The following CIRSR variants were observed in gnomAD, a reference collection of about 807,000 sequenced individuals.
The protein encoded by CIRSR is CBF1 (RBPJ) interacting corepressor 1.
At chr2:174,388,174 A>G in the CIRSR span, among the ~76,000 whole-genome samples, 37 of 152,252 alleles carry the variant, frequency 2.4e-4, no homozygotes, top group Middle Eastern at 3.4e-3. Flanking sequence ...ACAAATTAAC[A>G]CCTGAAAAAT....
chr2:174,376,137 A>C, the CIRSR span, among the ~76,000 whole-genome samples: 1 of 152,230 alleles, frequency 6.6e-6, no homozygotes, highest in African/African-American at 2.4e-5. Flanking sequence ...CTGGGATTAC[A>C]GGCAAGAGCC....
At chr2:174,371,553 C>T in the CIRSR span, among the ~76,000 whole-genome samples, 9 of 152,252 alleles carry the variant, frequency 5.9e-5, no homozygotes, top group East Asian at 1.5e-3. Context: ...TGGATGAAAA[C>T]TTATAAAGTT....
the CIRSR span, among the ~76,000 whole-genome samples, chr2:174,359,948 A>G: frequency 6.6e-6 from 1 of 152,198 alleles, no homozygotes; most frequent in Non-Finnish European, 1.5e-5. Context: ...TTCTGGGCAA[A>G]CTATCGCAAG....
At chr2:174,386,669 T>C in the CIRSR span, among the ~76,000 whole-genome samples, 1 of 152,272 alleles carries the variant, frequency 6.6e-6, no homozygotes, top group East Asian at 1.9e-4. Context: ...CCACGTTCCC[T>C]GGGCAGGGTG....
At chr2:174,377,721 G>T in the CIRSR span, among the ~76,000 whole-genome samples, 1 of 150,426 alleles carries the variant, frequency 6.6e-6, no homozygotes, top group South Asian at 2.1e-4. Flanking sequence ...GCTACTCGGG[G>T]GGCTGAGGTG....
the CIRSR span, among the ~76,000 whole-genome samples, chr2:174,377,098 ACTT>A: frequency 6.6e-6 from 1 of 152,160 alleles, no homozygotes; most frequent in Non-Finnish European, 1.5e-5. Context: ...GACAACCACT[ACTT>A]CTGCCTGTCC....
chr2:174,366,058 A>T, the CIRSR span, among the ~76,000 whole-genome samples: 1 of 152,228 alleles, frequency 6.6e-6, no homozygotes, highest in Non-Finnish European at 1.5e-5. Flanking sequence ...AATCAAAAAC[A>T]CTATCAGACT....
chr2:174,371,142 G>A, the CIRSR span, among the ~76,000 whole-genome samples: 1 of 152,194 alleles, frequency 6.6e-6, no homozygotes, highest in Non-Finnish European at 1.5e-5. Flanking sequence ...ACTAGAGGGT[G>A]AGGGCTAACA....
At chr2:174,376,752 C>T in the CIRSR span, among the ~76,000 whole-genome samples, 37 of 142,192 alleles carry the variant, frequency 2.6e-4, no homozygotes, top group South Asian at 4.4e-4. Flanking sequence ...GAGCCAAGAT[C>T]GTGCCACCAC....
chr2:174,382,018 C>T, the CIRSR span, among the ~76,000 whole-genome samples: 1 of 152,036 alleles, frequency 6.6e-6, no homozygotes, highest in South Asian at 2.1e-4. Context: ...TCCTACCCAT[C>T]CTAACAAAAA....
At chr2:174,386,279 G>A in the CIRSR span, among the ~76,000 whole-genome samples, 2 of 152,098 alleles carry the variant, frequency 1.3e-5, no homozygotes, top group Non-Finnish European at 2.9e-5. Flanking sequence ...CCTCCCAGGT[G>A]CAAGCAATTC....
chr2:174,351,654 G>T, the CIRSR span: 1 of 1,613,848 alleles, frequency 6.2e-7, no homozygotes, highest in South Asian at 1.1e-5. Context: ...TTTCTCCCCA[G>T]TACATTTCGT....
At chr2:174,383,181 T>A in the CIRSR span, among the ~76,000 whole-genome samples, 1 of 152,228 alleles carries the variant, frequency 6.6e-6, no homozygotes, top group African/African-American at 2.4e-5. Context: ...TTATAGGTCA[T>A]GTCCAGAATA....
the CIRSR span, among the ~76,000 whole-genome samples, chr2:174,389,071 A>C: frequency 6.6e-6 from 1 of 152,202 alleles, no homozygotes; most frequent in African/African-American, 2.4e-5. Context: ...TCTTCATAGC[A>C]GCGTGAGAAT....
chr2:174,369,682 T>G, the CIRSR span, among the ~76,000 whole-genome samples: 2 of 152,206 alleles, frequency 1.3e-5, no homozygotes, highest in African/African-American at 4.8e-5. Flanking sequence ...TTCAATATCA[T>G]TGTGTCTCAG....
the CIRSR span, among the ~76,000 whole-genome samples, chr2:174,369,521 T>A: frequency 6.6e-6 from 1 of 152,244 alleles, no homozygotes; most frequent in African/African-American, 2.4e-5. Context: ...CTAATTGGTG[T>A]AGGAGGCCTA....
At chr2:174,393,597 T>C in the CIRSR span, among the ~76,000 whole-genome samples, 4 of 152,122 alleles carry the variant, frequency 2.6e-5, no homozygotes, top group South Asian at 4.1e-4. Flanking sequence ...GCTGGAATTA[T>C]AGGTATGAGC....
At chr2:174,352,205 TCA>T in the CIRSR span, among the ~76,000 whole-genome samples, 86,829 of 150,214 alleles carry the variant, frequency 0.58, 27,440 homozygotes, top group East Asian at 0.8. Context: ...TGGTTGCTAA[TCA>T]CACACACACA....
At chr2:174,381,718 G>A in the CIRSR span, 1 of 1,590,530 alleles carries the variant, frequency 6.3e-7, no homozygotes, top group Non-Finnish European at 8.5e-7. Flanking sequence ...TTTAGCTCCT[G>A]GTGGGGCTTC....
Sources: allele counts gnomAD v4.1 joint callset (sites outside exome capture counted in the v4.1 genomes callset), GRCh38; gene constraint gnomAD v4.1.1; transcripts MANE v1.5; gene names NCBI Gene and HGNC (gene_info 2026-07-23, HGNC 2026-07-21).